Variants in COL4A2 observed in about 807,000 individuals in gnomAD.
COL4A2 encodes collagen type IV alpha 2 chain, also known as collagen alpha-2(IV) chain.
COL4A2 carries 99 observed loss-of-function variants against 200.2 expected under a neutral mutation model. The observed-to-expected ratio is 0.49, with a 90% CI of 0.42 to 0.58. The LOEUF (loss-of-function observed/expected upper bound fraction) is 0.58, where lower values mean the gene tolerates loss of function less well. Ranked by LOEUF, COL4A2 falls within the 20% of genes least tolerant of loss-of-function variation. The probability of loss-of-function intolerance (pLI) is 0.00; values close to 1 mark genes in which losing one functional copy is unlikely to be tolerated. For missense variants in COL4A2, 1,950 were observed against 2,314.1 expected (o/e 0.84, Z 3.23); for synonymous variants, 897 against 900.6 (o/e 1.00, Z 0.07).
At chr13:110,355,791 T>C (rs867245218) in intron 3 of COL4A2, among the ~76,000 whole-genome samples, 7 of 33,270 alleles carry the variant, frequency 2.1e-4, no homozygotes, top group Admixed American at 5.0e-4. Flanking sequence ...TGGAGGGCTG[T>C]ACAGCTCACC....
At chr13:110,355,932 TGG>T (rs1877243119) in intron 3 of COL4A2, among the ~76,000 whole-genome samples, 1 of 151,812 alleles carries the variant, frequency 6.6e-6, no homozygotes, top group East Asian at 1.9e-4. Flanking sequence ...GGCTCACCTG[TGG>T]AATGAAGGTT....
At chr13:110,394,820 G>A (rs896283450) in intron 4 of COL4A2, among the ~76,000 whole-genome samples, 1 of 152,148 alleles carries the variant, frequency 6.6e-6, no homozygotes, top group African/African-American at 2.4e-5. Context: ...CCCATCTGGT[G>A]CTCTTTGCTC....
chr13:110,449,861 A>G (rs1881469875), intron 19 of COL4A2, 72 bp downstream of exon 19: 1 of 1,462,950 alleles, frequency 6.8e-7, no homozygotes, highest in African/African-American at 1.4e-5. Flanking sequence ...CACACAAGGG[A>G]GACTTCGTTG....
At chr13:110,462,779 G>C (rs747688081) in intron 24 of COL4A2, among the ~76,000 whole-genome samples, 1 of 152,096 alleles carries the variant, frequency 6.6e-6, no homozygotes, top group Non-Finnish European at 1.5e-5. Context: ...GGGCTACCTA[G>C]TAGCCTGCAG....
intron 4 of COL4A2, among the ~76,000 whole-genome samples, chr13:110,379,582 C>T (rs1878381900): frequency 6.6e-6 from 1 of 152,188 alleles, no homozygotes; most frequent in African/African-American, 2.4e-5. Context: ...TCTCATGCAC[C>T]CCCAAATCCA....
chr13:110,462,554 G>T, intron 24 of COL4A2, 170 bp downstream of exon 24: 5 of 603,096 alleles, frequency 8.3e-6, no homozygotes, highest in African/African-American at 1.9e-5. Flanking sequence ...AGACTTTTTA[G>T]GAAACGGTGA....
chr13:110,446,909 T>G, intron 18 of COL4A2, 45 bp downstream of exon 18: 1 of 1,517,298 alleles, frequency 6.6e-7, no homozygotes, highest in South Asian at 1.2e-5. Context: ...CGCATACACA[T>G]TCTCTCCTGT....
chr13:110,368,672 C>G (rs1877859371), intron 4 of COL4A2, among the ~76,000 whole-genome samples: 2 of 152,100 alleles, frequency 1.3e-5, no homozygotes, highest in Admixed American at 1.3e-4. Context: ...TGCTCATCTT[C>G]AAGGATTGCG....
At chr13:110,393,922 AAG>A (rs541693648) in intron 4 of COL4A2, among the ~76,000 whole-genome samples, 2 of 152,318 alleles carry the variant, frequency 1.3e-5, no homozygotes, top group East Asian at 3.9e-4. Flanking sequence ...ATGAGGGTCA[AAG>A]TATCTTTGCC....
At chr13:110,387,596 G>A (rs1291956044) in intron 4 of COL4A2, among the ~76,000 whole-genome samples, 1 of 152,256 alleles carries the variant, frequency 6.6e-6, no homozygotes, top group Non-Finnish European at 1.5e-5. Flanking sequence ...GGGGAGGAAC[G>A]CAGGCGGCTG....
chr13:110,458,639 T>C (rs532150182), intron 21 of COL4A2, 132 bp from the exon 22 acceptor site: 1 of 1,026,838 alleles, frequency 9.7e-7, no homozygotes. Context: ...GGGGTCATAG[T>C]GCCCATCAGA....
chr13:110,491,582 T>C (rs1226777802), intron 37 of COL4A2, among the ~76,000 whole-genome samples: 1 of 152,220 alleles, frequency 6.6e-6, no homozygotes, highest in Non-Finnish European at 1.5e-5. Flanking sequence ...GCCTCTTCGG[T>C]TGAGCCTCTG....
intron 20 of COL4A2, among the ~76,000 whole-genome samples, chr13:110,451,617 C>T (rs1445968090): frequency 6.6e-6 from 1 of 152,222 alleles, no homozygotes; most frequent in African/African-American, 2.4e-5. Flanking sequence ...AACTCACTCA[C>T]TATCGTGAGA....
intron 4 of COL4A2, among the ~76,000 whole-genome samples, chr13:110,424,208 A>G (rs1339044868): frequency 5.9e-5 from 9 of 152,018 alleles, no homozygotes; most frequent in Non-Finnish European, 1.3e-4. Context: ...ACTTTTTTTA[A>G]TAACAGCCAT....
At chr13:110,405,179 C>A (rs768443563) in intron 4 of COL4A2, among the ~76,000 whole-genome samples, 26 of 152,046 alleles carry the variant, frequency 1.7e-4, no homozygotes, top group Non-Finnish European at 2.6e-4. Context: ...GAGGGTGGTA[C>A]CTGGAGGGAG....
chr13:110,350,873 T>A (rs1876926078), intron 3 of COL4A2, among the ~76,000 whole-genome samples: 1 of 152,120 alleles, frequency 6.6e-6, no homozygotes, highest in African/African-American at 2.4e-5. Flanking sequence ...AGACAAGCAC[T>A]CATGACCTCT....
chr13:110,405,869 C>T (rs1300029625), intron 4 of COL4A2, among the ~76,000 whole-genome samples: 1 of 152,076 alleles, frequency 6.6e-6, no homozygotes, highest in African/African-American at 2.4e-5. Flanking sequence ...GGTATCAGCC[C>T]AGCACATTTT....
At chr13:110,388,969 T>C (rs771727660) in intron 4 of COL4A2, among the ~76,000 whole-genome samples, 1 of 152,238 alleles carries the variant, frequency 6.6e-6, no homozygotes, top group Non-Finnish European at 1.5e-5. Flanking sequence ...TGATCATGGC[T>C]GTGGCCCTGC....
At chr13:110,496,362 CCCTCA>C (rs1437627476) in intron 40 of COL4A2, among the ~76,000 whole-genome samples, 1 of 152,204 alleles carries the variant, frequency 6.6e-6, no homozygotes, top group Non-Finnish European at 1.5e-5. Flanking sequence ...CTGCCCTCTC[CCCTCA>C]CCAGCAGCTG....
Sources: gnomAD v4.1 joint callset for allele counts (sites outside exome capture counted in the v4.1 genomes callset) on GRCh38, gnomAD v4.1.1 for gene constraint, MANE v1.5 for transcripts, NCBI Gene and HGNC (gene_info 2026-07-23, HGNC 2026-07-21) for gene names.